Variants in NUDT13 observed in about 807,000 individuals in gnomAD.
The protein encoded by NUDT13 is NAD(P)H pyrophosphatase NUDT13, mitochondrial.
In NUDT13, 40 loss-of-function variants were observed where a neutral mutation model predicts 41.7. The ratio of observed to expected loss-of-function variants is 0.96; its 90% confidence interval spans 0.75 to 1.25. The LOEUF (loss-of-function observed/expected upper bound fraction) is 1.25. NUDT13 is among the 50% of genes most tolerant of loss of function. NUDT13 has a pLI of 0.00. For missense variants in NUDT13, 390 were observed against 416.1 expected (o/e 0.94, Z 0.55); for synonymous variants, 145 against 155.5 (o/e 0.93, Z 0.50).
Position 73,125,552 on chromosome 10 carries a change from C to T in NUDT13, c.703+43C>T, listed in dbSNP as rs909492328. 4.0e-6 allele frequency: 5 copies of T among 1,234,962 alleles called. No homozygotes were observed. In the African/African-American group the frequency reaches 4.5e-5, roughly 11 times the overall value. 76.5% of individuals were successfully genotyped at this position (1,234,962 alleles called of 1,614,324 possible). On this transcript the variant is annotated intron_variant, in intron 7 of 8. Transcript: ENST00000357321. ...TATACAGGTGACACTGGAAGATATA[C>T]AATCTTACTAATACAATCTTCTCTG... is the stretch of plus-strand genomic sequence containing the variant.
In NUDT13 at chr10:73,125,444, T is replaced by G. The variant is rs776334743; in HGVS notation, c.638T>G (p.Leu213Arg). The change falls in exon 7 of 9, where the codon CTG becomes CGG. Residue 213 changes from leucine to arginine, a missense_variant. Physicochemically the swap from Leu to Arg is moderately radical, Grantham distance 102 (BLOSUM62 -2). Transcript: ENST00000357321. ...CTGGTGTCAGATGGGACCCGATGCC[T>G]GCTTGCCCGCCAAAGCTCCTTTCCC... is the stretch of plus-strand genomic sequence containing the variant. ...ITLVSDGTRCLLARQSSFPKG... is the reference protein window; with the variant it reads ...ITLVSDGTRCRLARQSSFPKG... The G allele has an allele frequency of 8.7e-6, 14 of 1,613,148 alleles. No individual in the cohort carries two copies. Among genetic ancestry groups the G allele is most frequent in the Non-Finnish European group, 1.2e-5 (14 of 1,179,694 alleles).
At chr10:73,119,892 G>A (rs949005418) in intron 2 of NUDT13, 126 bp from the exon 3 acceptor site, 1 of 1,031,058 alleles carries the variant, frequency 9.7e-7, no homozygotes, top group Non-Finnish European at 1.4e-6. Context: ...AGCAAATTAG[G>A]TTGTAAATAA....
At chr10:73,127,527 G>C (rs1842817367) in intron 8 of NUDT13, among the ~76,000 whole-genome samples, 1 of 151,230 alleles carries the variant, frequency 6.6e-6, no homozygotes, top group Non-Finnish European at 1.5e-5. Context: ...TTTTGAGACG[G>C]AGTCTTACTC....
intron 1 of NUDT13, among the ~76,000 whole-genome samples, chr10:73,111,117 C>G (rs1285535564): frequency 6.6e-6 from 1 of 151,964 alleles, no homozygotes; most frequent in East Asian, 1.9e-4. Flanking sequence ...GCTGGGACTA[C>G]AGGCGCCCGC....
chr10:73,126,618 CTG>C (rs1589667693), intron 7 of NUDT13, 53 bp from the exon 8 acceptor site: 2 of 1,581,790 alleles, frequency 1.3e-6, no homozygotes, highest in Admixed American at 3.6e-5. Flanking sequence ...AATGGGCTGT[CTG>C]TATCACCCTT....
intron 2 of NUDT13, chr10:73,119,447 C>T (rs1375665009): frequency 2.0e-6 from 2 of 978,274 alleles, no homozygotes; most frequent in African/African-American, 3.5e-5. Flanking sequence ...TTTATCTTCC[C>T]TAGATTGAAT....
intron 3 of NUDT13, among the ~76,000 whole-genome samples, chr10:73,120,855 G>A (rs1003035762): frequency 2.0e-5 from 3 of 151,154 alleles, no homozygotes; most frequent in Non-Finnish European, 4.4e-5. Context: ...GGAGAATGGC[G>A]TCAACCCGGG....
chr10:73,127,293 C>T (rs1479222416), intron 8 of NUDT13, among the ~76,000 whole-genome samples: 2 of 151,856 alleles, frequency 1.3e-5, no homozygotes, highest in African/African-American at 2.4e-5. Flanking sequence ...GCAGGAGAAT[C>T]GCTTGAACCT....
At position 73,131,054 on chromosome 10, in the gene NUDT13, C is replaced by A; in HGVS notation, c.*151C>A. 2 of 585,054 alleles carry A rather than the reference C, an allele frequency of 3.4e-6. No homozygotes were observed. The highest frequency in any genetic ancestry group is 6.0e-6 in the Non-Finnish European group (2 of 333,048). 36.2% of individuals were successfully genotyped at this position (585,054 alleles called of 1,614,324 possible). On this transcript the variant is annotated 3_prime_UTR_variant, in exon 9 of 9. Transcript: ENST00000357321. ...GCCTACAGTAAGACACTTCTATCAG[C>A]AGTGTTAATGGAAGAAATTCCTACC...
intron 4 of NUDT13, among the ~76,000 whole-genome samples, chr10:73,123,436 G>T (rs1420665334): frequency 6.6e-6 from 1 of 152,114 alleles, no homozygotes; most frequent in Non-Finnish European, 1.5e-5. Context: ...GGAGCCATGA[G>T]GTCCCACTTC....
intron 2 of NUDT13, among the ~76,000 whole-genome samples, chr10:73,117,493 G>A (rs1333443233): frequency 6.7e-6 from 1 of 149,576 alleles, no homozygotes; most frequent in Non-Finnish European, 1.5e-5. Context: ...GGAGGCAGAG[G>A]TTACAGTGAG....
chr10:73,130,545 C>A, intron 8 of NUDT13, 158 bp from the exon 9 acceptor site: 1 of 564,770 alleles, frequency 1.8e-6, no homozygotes, highest in Non-Finnish European at 3.2e-6. Flanking sequence ...TCTTTTGCTT[C>A]TGGGCAGTAT....
intron 2 of NUDT13, 88 bp from the exon 3 acceptor site, chr10:73,119,930 G>A: frequency 1.5e-6 from 2 of 1,313,104 alleles, no homozygotes; most frequent in Non-Finnish European, 2.2e-6. Context: ...TGGTAAGAGA[G>A]GGATGCAGCG....
chr10:73,126,935 C>T (rs1842802043), intron 8 of NUDT13, 108 bp downstream of exon 8: 1 of 963,820 alleles, frequency 1.0e-6, no homozygotes, highest in Non-Finnish European at 1.6e-6. Context: ...ATCTAGATTA[C>T]ATAAACATGT....
intron 4 of NUDT13, among the ~76,000 whole-genome samples, chr10:73,122,625 GCAGT>G (rs1246224498): frequency 1.3e-5 from 2 of 151,998 alleles, no homozygotes; most frequent in Non-Finnish European, 2.9e-5. Context: ...AGGCTGGAGT[GCAGT>G]GGTACAATCA....
rs938330818 is a variant in NUDT13 at position 73,122,188 on chromosome 10, C to T, written c.237C>T (p.Leu79=). 5.6e-6 allele frequency: 9 copies of T among 1,612,892 alleles called. No homozygotes were observed. The highest frequency in any genetic ancestry group is 1.3e-5 in the African/African-American group (1 of 74,970). The part of the protein sequence containing the change: ...PRHSLLELER[L]LGKFGQDAQR... ...TCTGTTTCTTAGAGTTGGAAAGGCT[C>T]CTGGGTAAATTTGGACAGGATGCAC... Residue 79 remains leucine, a synonymous_variant, in exon 4 of 9, where the codon CTC becomes CTT. Coordinates refer to ENST00000357321, the MANE Select transcript of NUDT13 (RefSeq NM_015901.6).
chr10:73,117,645 TTAG>T (rs1459499017), intron 2 of NUDT13, among the ~76,000 whole-genome samples: 2 of 151,616 alleles, frequency 1.3e-5, no homozygotes, highest in Non-Finnish European at 2.9e-5. Flanking sequence ...AGGCTACAAA[TTAG>T]TAGGTTTGAT....
chr10:73,129,555 G>A (rs1589671257), intron 8 of NUDT13, among the ~76,000 whole-genome samples: 1 of 151,830 alleles, frequency 6.6e-6, no homozygotes, highest in Non-Finnish European at 1.5e-5. Flanking sequence ...TTTGCCTATT[G>A]TATGTTTTGG....
In NUDT13 at chr10:73,130,820, T is replaced by C; in HGVS notation, c.976T>C (p.Trp326Arg). 1 of 1,612,480 alleles carries C rather than the reference T, an allele frequency of 6.2e-7. No individual in the cohort carries two copies. Among genetic ancestry groups the C allele is most frequent in the Non-Finnish European group, 8.5e-7 (1 of 1,179,964 alleles). The change falls in exon 9 of 9, where the codon TGG (tryptophan) becomes CGG (arginine). Residue 326 changes from tryptophan (W) to arginine (R), a missense_variant. By Grantham distance (101) the Trp-to-Arg change is moderately radical. Coordinates refer to ENST00000357321, the MANE Select transcript of NUDT13 (RefSeq NM_015901.6). ...TQQQNGTFPF[W>R]LPPKLAISHQ... is the part of the protein sequence containing the mutation. ...GCAACAGAATGGGACTTTCCCATTC[T>C]GGCTGCCCCCTAAGTTAGCCATCTC...
Sources: allele counts gnomAD v4.1 joint callset (sites outside exome capture counted in the v4.1 genomes callset), GRCh38; gene constraint gnomAD v4.1.1; transcripts MANE v1.5; gene names NCBI Gene and HGNC (gene_info 2026-07-23, HGNC 2026-07-21).